Variants in ZNF827 observed in about 807,000 individuals in gnomAD.
The protein encoded by ZNF827 is zinc finger protein 827.
Under a neutral mutation model 102.4 loss-of-function variants are expected in ZNF827, and 13 were observed. That is an observed-to-expected ratio of 0.13 (90% CI 0.08 to 0.20). ZNF827 has a LOEUF of 0.20. ZNF827 is among the 10% of genes least tolerant of loss of function. The pLI, the probability that ZNF827 is intolerant of heterozygous loss-of-function variation, is 1.00. For synonymous variants in ZNF827, 523 were observed against 536.2 expected (o/e 0.98, Z 0.34); for missense variants, 1,103 against 1,344.4 (o/e 0.82, Z 2.81).
chr4:145,842,381 T>C (rs72954641), intron 7 of ZNF827, among the ~76,000 whole-genome samples: 2,488 of 152,252 alleles, frequency 0.016, 65 homozygotes, highest in African/African-American at 0.056. Context: ...ACAGCACACA[T>C]CCGTGGACTT....
intron 5 of ZNF827, 130 bp downstream of exon 5, chr4:145,870,115 C>T (rs566272575): frequency 7.0e-6 from 6 of 853,692 alleles, no homozygotes; most frequent in East Asian, 2.7e-5. Flanking sequence ...GTAATCTGAT[C>T]GTTCTTTGAA....
intron 2 of ZNF827, among the ~76,000 whole-genome samples, chr4:145,898,772 G>A (rs1751175995): frequency 6.6e-6 from 1 of 152,038 alleles, no homozygotes; most frequent in Non-Finnish European, 1.5e-5. Context: ...ACTGAATCCT[G>A]TTCAAAAAAG....
intron 6 of ZNF827, among the ~76,000 whole-genome samples, chr4:145,846,917 G>A (rs892649459): frequency 6.8e-6 from 1 of 147,868 alleles, no homozygotes; most frequent in Non-Finnish European, 1.5e-5. Context: ...ACTTTGGGAG[G>A]CCGAGGCAGG....
chr4:145,818,056 A>C (rs1220499424), intron 8 of ZNF827, among the ~76,000 whole-genome samples: 1 of 152,258 alleles, frequency 6.6e-6, no homozygotes, highest in Admixed American at 6.5e-5. Flanking sequence ...AATTCTGTTA[A>C]TCAACAGTAA....
At chr4:145,766,470 C>T (rs1469218742) in intron 11 of ZNF827, among the ~76,000 whole-genome samples, 2 of 152,208 alleles carry the variant, frequency 1.3e-5, no homozygotes, top group South Asian at 4.1e-4. Context: ...AGCCATATGA[C>T]TGATCAGTTT....
At chr4:145,772,521 T>C (rs1736439368) in intron 11 of ZNF827, among the ~76,000 whole-genome samples, 1 of 152,204 alleles carries the variant, frequency 6.6e-6, no homozygotes, top group East Asian at 1.9e-4. Context: ...CTCCTGTTTT[T>C]ATAAATAAAG....
intron 5 of ZNF827, among the ~76,000 whole-genome samples, chr4:145,861,273 T>C (rs866554772): frequency 8.5e-5 from 13 of 152,308 alleles, no homozygotes; most frequent in Middle Eastern, 3.4e-3. Flanking sequence ...AGGAAAATAA[T>C]GATTAAGCTC....
intron 11 of ZNF827, among the ~76,000 whole-genome samples, chr4:145,769,926 C>T (rs567811853): frequency 1.6e-4 from 24 of 152,300 alleles, no homozygotes; most frequent in African/African-American, 5.5e-4. Context: ...GACACTGTTA[C>T]ATTTTAGAGT....
intron 7 of ZNF827, among the ~76,000 whole-genome samples, chr4:145,841,513 T>G (rs983549885): frequency 5.9e-5 from 9 of 152,214 alleles, no homozygotes; most frequent in African/African-American, 2.2e-4. Flanking sequence ...TCTGTTCTCA[T>G]GGGTCTGGCC....
chr4:145,916,914 A>T (rs114958785), intron 1 of ZNF827, among the ~76,000 whole-genome samples: 1 of 152,332 alleles, frequency 6.6e-6, no homozygotes, highest in Non-Finnish European at 1.5e-5. Flanking sequence ...CCACATCATA[A>T]CAAGGATGGC....
chr4:145,862,423 A>G (rs2126721770), intron 5 of ZNF827, among the ~76,000 whole-genome samples: 1 of 152,328 alleles, frequency 6.6e-6, no homozygotes, highest in African/African-American at 2.4e-5. Flanking sequence ...TGTGTAACAT[A>G]TAGATTTGGT....
rs199624953 is a variant in ZNF827, at chr4:145,765,535, C to T, written c.3052+12G>A. On this transcript the variant is annotated intron_variant, in intron 12 of 14. Coordinates refer to ENST00000508784, the MANE Select transcript of ZNF827 (RefSeq NM_001306215.2). This position sits in a 1 kb window ranked among gnomAD's most constrained non-coding sequence, Gnocchi z 4.7. ...GGAGGGTTGAGCAGGCTCACACCCA[C>T]CTCCTCCTTACCTTTCTCTGGCTTT... is the stretch of plus-strand genomic sequence containing the variant. 3.1e-6 allele frequency: 5 copies of T among 1,605,438 alleles called. No homozygotes were observed. The Admixed American group carries it at 6.7e-5, about 22-fold the overall frequency.
At position 145,763,262 on chromosome 4, in the gene ZNF827, C is replaced by A. The variant is rs1225740390; in HGVS notation, c.3231-140G>T. ...ATTTTAAGGACATTTCTGTGACCCA[C>A]AGCTCAATCTTTCTTTCACTGCTCA... On this transcript the variant is annotated intron_variant, in intron 13 of 14. Transcript: ENST00000508784. This position sits in a 1 kb window ranked among gnomAD's most constrained non-coding sequence, Gnocchi z 4.6. The A allele has an allele frequency of 2.3e-6, 2 of 868,050 alleles. No individual in the cohort carries two copies. Among genetic ancestry groups the A allele is most frequent in the Admixed American group, 2.6e-5 (1 of 38,134 alleles). The allele number at this position is 868,050 out of a possible 1,614,324, so 53.8% of individuals were successfully genotyped here.
chr4:145,813,733 C>T (rs759924569), intron 8 of ZNF827, among the ~76,000 whole-genome samples: 1 of 152,150 alleles, frequency 6.6e-6, no homozygotes, highest in African/African-American at 2.4e-5. Context: ...CCCCCCTTGC[C>T]GGCAGTGGCC....
chr4:145,868,358 A>AT (rs11435300), intron 5 of ZNF827, among the ~76,000 whole-genome samples: 72,673 of 151,928 alleles, frequency 0.48, 17,468 homozygotes, highest in Admixed American at 0.55. Flanking sequence ...GGATTTGAGG[A>AT]TTTTTTTTCA....
chr4:145,914,794 T>C (rs1427013846), intron 1 of ZNF827, among the ~76,000 whole-genome samples: 1 of 152,242 alleles, frequency 6.6e-6, no homozygotes, highest in Non-Finnish European at 1.5e-5. Context: ...TCCTTTCTTC[T>C]CAGGCATTCC....
chr4:145,928,188 A>G (rs979708710), intron 1 of ZNF827, among the ~76,000 whole-genome samples: 1 of 152,242 alleles, frequency 6.6e-6, no homozygotes, highest in African/African-American at 2.4e-5. Context: ...GACTGAAATG[A>G]TAACATCCCA....
intron 4 of ZNF827, among the ~76,000 whole-genome samples, chr4:145,884,571 A>G (rs1184966632): frequency 6.6e-6 from 1 of 152,170 alleles, no homozygotes; most frequent in Non-Finnish European, 1.5e-5. Flanking sequence ...CTCCTTTAAA[A>G]TTTAAAATCA....
intron 7 of ZNF827, chr4:145,835,253 C>T (rs4835021): frequency 0.29 from 43,787 of 152,022 alleles, 7,354 homozygotes; most frequent in East Asian, 0.8. Context: ...GCCCCCTAGA[C>T]CATCACGGAT....
Sources: allele counts gnomAD v4.1 joint callset (sites outside exome capture counted in the v4.1 genomes callset), GRCh38; gene constraint gnomAD v4.1.1; non-coding constraint Gnocchi (gnomAD v3.1); transcripts MANE v1.5; gene names NCBI Gene and HGNC (gene_info 2026-07-23, HGNC 2026-07-21).